Variants in DNAH11 observed in about 807,000 individuals in gnomAD.
The protein encoded by DNAH11 is dynein axonemal heavy chain 11.
DNAH11 carries 442 observed loss-of-function variants against 526.0 expected under a neutral mutation model. The ratio of observed to expected loss-of-function variants is 0.84; its 90% CI spans 0.78 to 0.91. The LOEUF is 0.91. DNAH11 is among the 40% of genes least tolerant of loss of function. The pLI is 0.00. For synonymous variants in DNAH11, 2,461 were observed against 1,935.9 expected, an observed-to-expected ratio of 1.27 and a Z score of -7.12; for missense variants, 6,989 against 5,448.7, an observed-to-expected ratio of 1.28 and a Z score of -8.90.
chr7:21,873,784 CTTTTT>C (rs57333575), intron 74 of DNAH11, among the ~76,000 whole-genome samples: 1 of 70,700 alleles, frequency 1.4e-5, no homozygotes, highest in Non-Finnish European at 2.3e-5. Context: ...GAGGAGGTTG[CTTTTT>C]TTTTTTTTTT....
chr7:21,563,540 T>C (rs1783547296), intron 5 of DNAH11, among the ~76,000 whole-genome samples: 1 of 151,554 alleles, frequency 6.6e-6, no homozygotes, highest in Non-Finnish European at 1.5e-5. Context: ...TAACATTTGT[T>C]CTATTGAAAT....
At chr7:21,764,977 T>G (rs965608865) in intron 54 of DNAH11, among the ~76,000 whole-genome samples, 2 of 152,204 alleles carry the variant, frequency 1.3e-5, no homozygotes, top group African/African-American at 2.4e-5. Context: ...ACACAAACAT[T>G]AAAGATGATA....
intron 61 of DNAH11, among the ~76,000 whole-genome samples, chr7:21,793,413 T>C (rs10226044): frequency 0.37 from 56,063 of 151,732 alleles, 11,092 homozygotes; most frequent in East Asian, 0.55. Context: ...GTCAGGAGAT[T>C]GAGACCATCC....
In DNAH11 at chr7:21,899,362, G is replaced by A. The variant is rs113653972; in HGVS notation, c.13076G>A (p.Arg4359Gln). The A allele has an allele frequency of 3.9e-4, 624 of 1,613,944 alleles. 3 individuals carry two copies. In the African/African-American group the frequency reaches 6.9e-3, roughly 18 times the overall value. The change falls in exon 80 of 82, where the codon CGA becomes CAA. Residue 4359 changes from arginine to glutamine, a missense_variant. By Grantham distance (43) the Arg-to-Gln change is conservative (BLOSUM62 1). Coordinates refer to ENST00000409508, the MANE Select transcript of DNAH11 (RefSeq NM_001277115.2). ...TTCAATGACCTCCTCCTGCGATGCC[G>A]AGAACTCGATACTTGGACACAAGAC... ...QWFNDLLLRC[R>Q]ELDTWTQDLT...
chr7:21,726,995 G>A (rs1260506014), intron 45 of DNAH11, among the ~76,000 whole-genome samples: 1 of 113,970 alleles, frequency 8.8e-6, no homozygotes, highest in Non-Finnish European at 1.7e-5. Flanking sequence ...GTGCAGTGGC[G>A]CGATCTCGGC....
intron 57 of DNAH11, 125 bp from the exon 58 acceptor site, chr7:21,784,302 C>G: frequency 4.1e-6 from 3 of 737,596 alleles, no homozygotes; most frequent in Non-Finnish European, 7.0e-6. Flanking sequence ...TAACAAATTC[C>G]TCACCTGTTC....
intron 57 of DNAH11, among the ~76,000 whole-genome samples, chr7:21,780,591 T>A (rs1380235572): frequency 6.6e-6 from 1 of 152,152 alleles, no homozygotes; most frequent in Non-Finnish European, 1.5e-5. Flanking sequence ...TTTTTTTGCA[T>A]TTTTACATTT....
intron 30 of DNAH11, among the ~76,000 whole-genome samples, chr7:21,678,255 A>G (rs1490458932): frequency 6.6e-6 from 1 of 151,148 alleles, no homozygotes; most frequent in African/African-American, 2.4e-5. Flanking sequence ...GTGTGTGTAT[A>G]GTGTAAGGGT....
chr7:21,854,589 G>T, intron 68 of DNAH11, 134 bp downstream of exon 68: 3 of 1,024,282 alleles, frequency 2.9e-6, no homozygotes, highest in Non-Finnish European at 4.0e-6. Context: ...TCACTCTGTA[G>T]CCCAGGCTGG....
intron 65 of DNAH11, among the ~76,000 whole-genome samples, chr7:21,836,588 C>T (rs1782005739): frequency 6.6e-6 from 1 of 151,996 alleles, no homozygotes; most frequent in Non-Finnish European, 1.5e-5. Context: ...TGACAAAAAT[C>T]AACTCAAAGT....
chr7:21,726,304 A>G (rs1053189168), intron 45 of DNAH11, among the ~76,000 whole-genome samples: 2 of 152,026 alleles, frequency 1.3e-5, no homozygotes, highest in African/African-American at 2.4e-5. Context: ...ATGGTGCTAA[A>G]CCATTTATGA....
chr7:21,898,076 A>G (rs868572313), intron 79 of DNAH11, among the ~76,000 whole-genome samples: 3 of 151,802 alleles, frequency 2.0e-5, no homozygotes, highest in Non-Finnish European at 2.9e-5. Context: ...TTTCCTTACT[A>G]TTTCCTACCT....
intron 2 of DNAH11, among the ~76,000 whole-genome samples, chr7:21,552,558 A>G (rs997405705): frequency 6.6e-6 from 1 of 152,102 alleles, no homozygotes; most frequent in African/African-American, 2.4e-5. Context: ...GTGGTTTCTG[A>G]TACCTCGGCC....
chr7:21,834,703 A>G (rs1360734776), intron 65 of DNAH11, among the ~76,000 whole-genome samples: 1 of 152,114 alleles, frequency 6.6e-6, no homozygotes, highest in Admixed American at 6.5e-5. Context: ...TAAATTAGCC[A>G]GGCATAGTGA....
intron 73 of DNAH11, among the ~76,000 whole-genome samples, chr7:21,872,123 C>CAAAAAAAAAAAAAAAAAAAAAAAAAAAAA (rs776718319): frequency 6.5e-5 from 2 of 30,822 alleles, no homozygotes; most frequent in Non-Finnish European, 1.1e-4. Flanking sequence ...GACTCTGTCT[C>CAAAAAAAAAAAAAAAAAAAAAAAAAAAAA]AAAAAAAAAA....
intron 36 of DNAH11, among the ~76,000 whole-genome samples, chr7:21,700,730 CTGGATCAAGAAA>C: frequency 6.6e-6 from 1 of 152,226 alleles, no homozygotes; most frequent in East Asian, 1.9e-4. Flanking sequence ...CAATGATAGA[CTGGATCAAGAAA>C]ATATGGTACA....
intron 9 of DNAH11, among the ~76,000 whole-genome samples, chr7:21,584,592 G>A (rs141400015): frequency 6.6e-6 from 1 of 151,988 alleles, no homozygotes; most frequent in East Asian, 1.9e-4. Context: ...AATTCATGAG[G>A]ATCAAATAGT....
chr7:21,703,704 A>G (rs1439005103), intron 37 of DNAH11: 3 of 152,174 alleles, frequency 2.0e-5, no homozygotes, highest in Non-Finnish European at 4.4e-5. Flanking sequence ...TCCAAACCAT[A>G]TCAATACATA....
At chr7:21,744,694 G>C in intron 50 of DNAH11, 95 bp downstream of exon 50, 1 of 1,515,666 alleles carries the variant, frequency 6.6e-7, no homozygotes, top group Non-Finnish European at 8.9e-7. Context: ...GTGCACAAGG[G>C]CTTACCTTTT....
Sources: allele counts gnomAD v4.1 joint callset (sites outside exome capture counted in the v4.1 genomes callset), GRCh38; gene constraint gnomAD v4.1.1; transcripts MANE v1.5; gene names NCBI Gene and HGNC (gene_info 2026-07-23, HGNC 2026-07-21).